The following RHOU variants were observed in gnomAD, a reference collection of about 807,000 sequenced individuals.
RHOU encodes the protein ras homolog family member U, also known as rho-related GTP-binding protein RhoU.
In RHOU, 8 loss-of-function variants were observed where a neutral mutation model predicts 12.6. That is an observed-to-expected ratio of 0.64 (90% confidence interval 0.37 to 1.15). RHOU has a LOEUF of 1.15. RHOU is among the 50% of genes most tolerant of loss of function. The probability of loss-of-function intolerance (pLI) is 0.01; values close to 1 mark genes in which losing one functional copy is unlikely to be tolerated. For synonymous variants in RHOU, 161 were observed against 147.4 expected, an observed-to-expected ratio of 1.09 and a Z score of -0.67; for missense variants, 258 against 347.0, an observed-to-expected ratio of 0.74 and a Z score of 2.04.
At position 228,744,574 on chromosome 1, in the gene RHOU, G is replaced by GT. The variant is rs1365072752; in HGVS notation, c.*835dup. The GT allele has an allele frequency of 2.0e-5, 3 of 152,186 alleles. No homozygotes were observed. In the East Asian group the frequency reaches 5.8e-4, roughly 29 times the overall value. 9.4% of individuals were successfully genotyped at this position (152,186 alleles called of 1,614,324 possible). On this transcript the variant is annotated 3_prime_UTR_variant, in exon 3 of 3. Transcript: ENST00000366691. ...GTGCACCAAACTGCCTCAATCCTAGGTAACGAGGGCAACAGGGAGCACCTG... is the reference window on the plus strand; with the variant it reads ...GTGCACCAAACTGCCTCAATCCTAGGTTAACGAGGGCAACAGGGAGCACCTG...
chr1:228,657,694 G>A, the RHOU span, among the ~76,000 whole-genome samples: 15 of 152,126 alleles, frequency 9.9e-5, 1 homozygote, highest in East Asian at 1.9e-3. Context: ...GACATGTATA[G>A]GACTCTATAT....
At chr1:228,730,733 C>T (rs1287621810), upstream of RHOU, among the ~76,000 whole-genome samples, 1 of 151,950 alleles carries the variant, frequency 6.6e-6, no homozygotes, top group East Asian at 1.9e-4. Context: ...TTAATGTGTC[C>T]AAGGCAAAGG....
Position 228,735,984 on chromosome 1 carries a change from C to G in RHOU, c.242C>G (p.Thr81Ser). 6.3e-7 allele frequency: 1 copy of G among 1,582,024 alleles called. No individual in the cohort carries two copies. Among genetic ancestry groups the G allele is most frequent in the Non-Finnish European group, 8.5e-7 (1 of 1,170,052 alleles). Residue 81 changes from threonine to serine, a missense_variant, in exon 1 of 3, where the codon ACT (threonine) becomes AGT (serine). By Grantham distance (58) the Thr-to-Ser change is moderately conservative. Coordinates refer to ENST00000366691, the MANE Select transcript of RHOU (RefSeq NM_021205.6). This position sits in a 1 kb window ranked among gnomAD's most constrained non-coding sequence, Gnocchi z 8.1. ...TNGYPTEYIP[T>S]AFDNFSAVVS... ...GGCTACCCCACCGAGTACATCCCTA[C>G]TGCCTTCGACAACTTCTCCGGTGAG...
chr1:228,649,658 C>T, the RHOU span, among the ~76,000 whole-genome samples: 2 of 152,258 alleles, frequency 1.3e-5, no homozygotes, highest in East Asian at 3.9e-4. Flanking sequence ...GGCAAGCTTT[C>T]CCGGGATCAC....
chr1:228,712,828 TAAATA>T, the RHOU span, among the ~76,000 whole-genome samples: 29,096 of 118,474 alleles, frequency 0.25, 3,215 homozygotes, highest in African/African-American at 0.28. Context: ...AATAAATAAA[TAAATA>T]AAATAAAATA....
the RHOU span, among the ~76,000 whole-genome samples, chr1:228,700,813 A>G: frequency 4.6e-5 from 7 of 152,300 alleles, no homozygotes; most frequent in East Asian, 1.2e-3. Flanking sequence ...TAGGCTTGGC[A>G]TGGTGGCTTA....
At chr1:228,708,305 G>A in the RHOU span, among the ~76,000 whole-genome samples, 2 of 151,742 alleles carry the variant, frequency 1.3e-5, no homozygotes, top group East Asian at 1.9e-4. Flanking sequence ...GAAATACAGA[G>A]AACGCCACAA....
At chr1:228,667,287 C>T in the RHOU span, among the ~76,000 whole-genome samples, 12 of 152,182 alleles carry the variant, frequency 7.9e-5, no homozygotes. Flanking sequence ...TCAATAATCA[C>T]AAAACATGTT....
the RHOU span, among the ~76,000 whole-genome samples, chr1:228,653,385 T>A: frequency 6.6e-6 from 1 of 152,182 alleles, no homozygotes; most frequent in African/African-American, 2.4e-5. Flanking sequence ...AGTGGTGCCA[T>A]CTCGGCTCAC....
the RHOU span, among the ~76,000 whole-genome samples, chr1:228,654,174 A>G: frequency 3.3e-5 from 5 of 151,854 alleles, no homozygotes; most frequent in African/African-American, 4.8e-5. Context: ...CAGTGGCCCA[A>G]TCAGCTTACT....
the RHOU span, chr1:228,650,585 C>T: frequency 4.4e-6 from 2 of 455,696 alleles, no homozygotes; most frequent in South Asian, 3.1e-5. Context: ...GCCTGCCTGC[C>T]CTCCTGCTGG....
At position 228,743,617 on chromosome 1, in the gene RHOU, C is replaced by T; in HGVS notation, c.654C>T (p.Ala218=). The change falls in exon 3 of 3, where the codon GCC becomes GCT. Residue 218 remains alanine (A), a synonymous_variant. Coordinates refer to ENST00000366691, the MANE Select transcript of RHOU (RefSeq NM_021205.6). The surrounding 1 kb of genome is among the most constrained non-coding windows in gnomAD (Gnocchi z 5.1). ...QKNLKEVFDA[A]IVAGIQYSDT... is the part of the protein sequence containing the mutation. ...ACCTCAAAGAGGTCTTTGATGCAGC[C>T]ATCGTCGCTGGCATTCAATACTCGG... 6.2e-7 allele frequency: 1 copy of T among 1,614,184 alleles called. No homozygotes were observed. Among genetic ancestry groups the T allele is most frequent in the Non-Finnish European group, 8.5e-7 (1 of 1,180,036 alleles).
chr1:228,741,356 C>T (rs1662717761), intron 2 of RHOU, among the ~76,000 whole-genome samples: 1 of 152,104 alleles, frequency 6.6e-6, no homozygotes, highest in Admixed American at 6.5e-5. Flanking sequence ...TTCTCAAGCC[C>T]CTTAGCCAGA....
At chr1:228,673,353 T>G in the RHOU span, among the ~76,000 whole-genome samples, 1 of 152,236 alleles carries the variant, frequency 6.6e-6, no homozygotes, top group Non-Finnish European at 1.5e-5. Context: ...CATTCATGTT[T>G]TTGCAGTTGT....
chr1:228,686,219 T>C, the RHOU span, among the ~76,000 whole-genome samples: 1 of 152,192 alleles, frequency 6.6e-6, no homozygotes, highest in African/African-American at 2.4e-5. Context: ...AACTAACTCA[T>C]GAGGTTTCTA....
the RHOU span, among the ~76,000 whole-genome samples, chr1:228,727,743 A>G: frequency 1.3e-5 from 2 of 152,130 alleles, no homozygotes; most frequent in African/African-American, 2.4e-5. Flanking sequence ...TCTGGAGGGA[A>G]GTAGGATAGT....
chr1:228,646,614 G>A, the RHOU span, among the ~76,000 whole-genome samples: 1 of 133,260 alleles, frequency 7.5e-6, no homozygotes, highest in Non-Finnish European at 1.6e-5. Context: ...GGGGTGTAGC[G>A]GGTCGGGGGG....
the RHOU span, among the ~76,000 whole-genome samples, chr1:228,710,654 C>T: frequency 2.6e-5 from 4 of 151,628 alleles, no homozygotes; most frequent in African/African-American, 7.3e-5. Flanking sequence ...ATTGATGGGA[C>T]ATATCTCAAA....
chr1:228,699,538 A>G, the RHOU span, among the ~76,000 whole-genome samples: 1 of 151,500 alleles, frequency 6.6e-6, no homozygotes, highest in African/African-American at 2.4e-5. Context: ...TGTTATTAGA[A>G]GCATAGGCCT....
Sources: gnomAD v4.1 joint callset for allele counts (sites outside exome capture counted in the v4.1 genomes callset) on GRCh38, gnomAD v4.1.1 for gene constraint, Gnocchi (gnomAD v3.1) non-coding constraint, MANE v1.5 for transcripts, NCBI Gene and HGNC (gene_info 2026-07-23, HGNC 2026-07-21) for gene names.